ACADVL: variants seen among roughly 807,000 people sequenced by gnomAD.
The protein encoded by ACADVL is very long-chain acyl-CoA dehydrogenase, mitochondrial.
ACADVL carries 73 observed loss-of-function variants against 80.4 expected under a neutral mutation model. The ratio of observed to expected loss-of-function variants is 0.91; its 90% CI spans 0.75 to 1.10. ACADVL has a LOEUF of 1.10. Ranked by LOEUF, ACADVL falls within the 50% of genes least tolerant of loss-of-function variation. The probability of loss-of-function intolerance (pLI) is 0.00; values close to 1 mark genes in which losing one functional copy is unlikely to be tolerated. For synonymous variants in ACADVL, 392 were observed against 326.5 expected, an observed-to-expected ratio of 1.20 and a Z score of -2.16; for missense variants, 878 against 858.9, an observed-to-expected ratio of 1.02 and a Z score of -0.28.
At position 7,222,270 on chromosome 17, in the gene ACADVL, TGTG is replaced by T; in HGVS notation, c.851_853del (p.Val284del). The T allele has an allele frequency of 6.2e-7, 1 of 1,614,000 alleles. No homozygotes were observed. Among genetic ancestry groups the T allele is most frequent in the Non-Finnish European group, 8.5e-7 (1 of 1,179,978 alleles). On this transcript the variant is annotated inframe_deletion, in exon 9 of 20. Coordinates refer to ENST00000356839, the MANE Select transcript of ACADVL (RefSeq NM_000018.4). ...CCGTGAAGGAGAAGATCACAGCTTT[TGTG>T]GTGGAGAGGGGCTTCGGGGGCATTA...
At chr17:7,219,503 C>T (rs1015161160), upstream of ACADVL, 40 of 1,064,834 alleles carry the variant, frequency 3.8e-5, no homozygotes, top group Non-Finnish European at 4.4e-5. Flanking sequence ...CCCCCCACCA[C>T]TGTACCCTCC....
rs759775666 is a variant in ACADVL, at chr17:7,224,179, G to C, written c.1468G>C (p.Ala490Pro). ...AAAGGAGCTCTCTGGGCTTGGCAGT[G>C]CTCTAAAGAATCCCTTTGGGAATGC... is the stretch of plus-strand genomic sequence containing the variant. ...KGKELSGLGS[A>P]LKNPFGNAGL... The change falls in exon 15 of 20, where the codon GCT becomes CCT. Residue 490 changes from alanine to proline, a missense_variant. Physicochemically the swap from Ala to Pro is conservative, Grantham distance 27. Transcript: ENST00000356839. The C allele has an allele frequency of 6.8e-6, 11 of 1,614,026 alleles. No homozygotes were observed. The highest frequency in any genetic ancestry group is 1.3e-5 in the African/African-American group (1 of 74,906).
At chr17:7,221,399 C>T (rs558750740) in intron 6 of ACADVL, 139 bp from the exon 7 acceptor site, 8 of 1,427,714 alleles carry the variant, frequency 5.6e-6, no homozygotes, top group East Asian at 2.3e-5. Context: ...TTTCTACACA[C>T]TGGGGATGGC....
rs771874163 is a variant in ACADVL at position 7,223,151 on chromosome 17, C to G, written c.1096C>G (p.Arg366Gly). 1 of 1,613,854 alleles carries G rather than the reference C, an allele frequency of 6.2e-7. No individual in the cohort carries two copies. The highest frequency in any genetic ancestry group is 1.1e-5 in the South Asian group (1 of 91,056). ...IAKAVDHATN[R>G]TQFGEKIHNF... ...CTTCCAGGTAGATCATGCCACTAAT[C>G]GTACCCAGTTTGGGGAGAAAATTCA... The change falls in exon 11 of 20, where the codon CGT (arginine) becomes GGT (glycine). Residue 366 changes from arginine to glycine, a missense_variant. Coordinates refer to ENST00000356839, the MANE Select transcript of ACADVL (RefSeq NM_000018.4).
chr17:7,221,129 G>T, intron 6 of ACADVL, 71 bp downstream of exon 6: 5 of 1,608,364 alleles, frequency 3.1e-6, no homozygotes, highest in East Asian at 2.2e-5. Flanking sequence ...TTTTGCCATA[G>T]ACCTAGAGAC....
intron 9 of ACADVL, 106 bp from the exon 10 acceptor site, chr17:7,222,561 T>C (rs773553006): frequency 1.9e-4 from 239 of 1,274,110 alleles, no homozygotes; most frequent in Non-Finnish European, 2.5e-4. Context: ...TCTAATAGTC[T>C]AGTGGTCGTC....
At chr17:7,219,462 C>T, upstream of ACADVL, 1 of 1,036,256 alleles carries the variant, frequency 9.7e-7, no homozygotes. Context: ...CAGAAGAATA[C>T]ACTTAGGGTA....
chr17:7,222,849 GCAT>G lies in ACADVL; in HGVS notation c.1065_1067del (p.Ile356del), dbSNP rs754325237. 27 of 1,612,320 alleles carry G rather than the reference GCAT, an allele frequency of 1.7e-5. No homozygotes were observed. Among genetic ancestry groups the G allele is most frequent in the Non-Finnish European group, 1.7e-6 (2 of 1,179,990 alleles). ...GCGGCCCTGGCAGGTACCATGAGAG[GCAT>G]CATTGCTAAGGCGGTGAGTACCCTG... On this transcript the variant is annotated inframe_deletion, in exon 10 of 20. Coordinates refer to ENST00000356839, the MANE Select transcript of ACADVL (RefSeq NM_000018.4).
chr17:7,220,690 T>A lies in ACADVL; in HGVS notation c.277+14T>A, dbSNP rs2071161541. Reference sequence around the variant, plus strand: ...CATACCCGTCCGGTAAGGGAAGGGATAATCAGAGCTGGGTGGGGCCAGGGT... The same window carrying A: ...CATACCCGTCCGGTAAGGGAAGGGAAAATCAGAGCTGGGTGGGGCCAGGGT... On this transcript the variant is annotated intron_variant, in intron 4 of 19. Transcript: ENST00000356839. 6.2e-7 allele frequency: 1 copy of A among 1,614,154 alleles called. No individual in the cohort carries two copies. The highest frequency in any genetic ancestry group is 8.5e-7 in the Non-Finnish European group (1 of 1,180,016).
In ACADVL at chr17:7,224,238, G is replaced by A. The variant is rs1447518560; in HGVS notation, c.1527G>A (p.Leu509=). The A allele has an allele frequency of 6.2e-7, 1 of 1,613,888 alleles. No individual in the cohort carries two copies. Among genetic ancestry groups the A allele is most frequent in the Non-Finnish European group, 8.5e-7 (1 of 1,180,036 alleles). Residue 509 remains leucine (L), a synonymous_variant, in exon 15 of 20, where the codon CTG becomes CTA. Coordinates refer to ENST00000356839, the MANE Select transcript of ACADVL (RefSeq NM_000018.4). ...GLLLGEAGKQ[L]RRRAGLGSGL... ...TGCTAGGAGAGGCAGGCAAACAGCTGAGGCGGTAGGCTTAGGGCCAGAGCC... is the reference window on the plus strand; with the variant it reads ...TGCTAGGAGAGGCAGGCAAACAGCTAAGGCGGTAGGCTTAGGGCCAGAGCC...
rs139425622 is a variant in ACADVL, at chr17:7,224,355, G to A, written c.1567G>A (p.Gly523Arg). ...AGLGSGLSLS[G>R]LVHPELSRSG... is the part of the protein sequence containing the mutation. ...GCTGGGCAGCGGCCTGAGTCTCAGC[G>A]GACTTGTCCACCCGGAGTTGAGTCG... The change falls in exon 16 of 20, where the codon GGA becomes AGA. Residue 523 changes from glycine (G) to arginine (R), a missense_variant. By Grantham distance (125) the Gly-to-Arg change is moderately radical. Transcript: ENST00000356839. The A allele has an allele frequency of 6.7e-4, 1,089 of 1,613,908 alleles. 1 individual carries two copies. The highest frequency in any genetic ancestry group is 1.2e-3 in the Middle Eastern group (7 of 6,062).
At chr17:7,221,424 G>A in intron 6 of ACADVL, 114 bp from the exon 7 acceptor site, 1 of 424,570 alleles carries the variant, frequency 2.4e-6, no homozygotes, top group East Asian at 1.3e-4. Context: ...GTCAGGCACT[G>A]CCCTAGGTCA....
chr17:7,217,129 C>T, upstream of ACADVL: 1 of 1,297,918 alleles, frequency 7.7e-7, no homozygotes, highest in Non-Finnish European at 9.8e-7. Flanking sequence ...TTGGTTGTCA[C>T]TATACAGAGA....
At chr17:7,217,591 G>GA (rs1252654409), upstream of ACADVL, 2 of 1,386,730 alleles carry the variant, frequency 1.4e-6, no homozygotes, top group African/African-American at 3.1e-5. Context: ...GCGGCCGAGG[G>GA]AGCCGTGGAG....
Position 7,222,058 on chromosome 17 carries a change from C to G in ACADVL, c.729C>G (p.Leu243=), listed in dbSNP as rs1318216872. ...GCCCCTGTGGAAAATACTATACCCT[C>G]AATGGAAGCAAGCTTTGGATCAGGC... ...VPSPCGKYYT[L]NGSKLWISNG... is the part of the protein sequence containing the mutation. Residue 243 remains leucine (L), a synonymous_variant, in exon 8 of 20, where the codon CTC becomes CTG. Transcript: ENST00000356839. 1 of 1,614,132 alleles carries G rather than the reference C, an allele frequency of 6.2e-7. No homozygotes were observed. Among genetic ancestry groups the G allele is most frequent in the Non-Finnish European group, 8.5e-7 (1 of 1,180,002 alleles).
upstream of ACADVL, chr17:7,217,211 C>T: frequency 7.9e-7 from 1 of 1,262,782 alleles, no homozygotes; most frequent in East Asian, 3.2e-5. Flanking sequence ...TCGTTCCTCC[C>T]CTCCGTGGGT....
chr17:7,217,557 G>C (rs956554167), upstream of ACADVL: 5 of 891,194 alleles, frequency 5.6e-6, no homozygotes, highest in Non-Finnish European at 6.6e-6. Context: ...GCGGGGGAGT[G>C]GGGTGGGGGG....
rs1483466525 is a variant in ACADVL at position 7,222,243 on chromosome 17, A to T, written c.819A>T (p.Gly273=). 1 of 1,613,964 alleles carries T rather than the reference A, an allele frequency of 6.2e-7. No individual in the cohort carries two copies. Among genetic ancestry groups the T allele is most frequent in the South Asian group, 1.1e-5 (1 of 91,072 alleles). Residue 273 remains glycine, a synonymous_variant, in exon 9 of 20, where the codon GGA becomes GGT. Transcript: ENST00000356839. ...CACCAGTTACAGATCCAGCCACAGG[A>T]GCCGTGAAGGAGAAGATCACAGCTT... ...AKTPVTDPAT[G]AVKEKITAFV...
In ACADVL at chr17:7,223,859, G is replaced by T. The variant is rs533055438; in HGVS notation, c.1316G>T (p.Gly439Val). Residue 439 changes from glycine (G) to valine (V), a missense_variant, in exon 13 of 20, where the codon GGT (glycine) becomes GTT (valine). Physicochemically the swap from Gly to Val is moderately radical, Grantham distance 109. Coordinates refer to ENST00000356839, the MANE Select transcript of ACADVL (RefSeq NM_000018.4). ...GATGAATGCATCCAAATCATGGGGG[G>T]TATGGGCTTCATGAAGGTACAGGAC... ...VTDECIQIMG[G>V]MGFMKEPGVE... 1.2e-6 allele frequency: 2 copies of T among 1,614,086 alleles called. No individual in the cohort carries two copies. The highest frequency in any genetic ancestry group is 1.7e-6 in the Non-Finnish European group (2 of 1,180,030).
Sources: allele counts gnomAD v4.1 joint callset, GRCh38; gene constraint gnomAD v4.1.1; transcripts MANE v1.5; gene names NCBI Gene and HGNC (gene_info 2026-07-23, HGNC 2026-07-21).